RP1L1: variants seen among roughly 807,000 people sequenced by gnomAD.
The protein encoded by RP1L1 is RP1 like 1, also known as retinitis pigmentosa 1-like 1 protein.
RP1L1 carries 27 observed loss-of-function variants against 15.7 expected under a neutral mutation model. The observed-to-expected ratio is 1.72, with a 90% CI of 1.27 to 2.38. RP1L1 has a LOEUF of 2.38. Ranked by LOEUF, RP1L1 falls within the 30% of genes most tolerant of loss-of-function variation. The pLI is 0.00. For synonymous variants in RP1L1, 1,813 were observed against 1,276.7 expected, an observed-to-expected ratio of 1.42 and a Z score of -8.96; for missense variants, 4,798 against 3,075.9, an observed-to-expected ratio of 1.56 and a Z score of -13.24.
Position 10,616,591 on chromosome 8 carries a change from A to T in RP1L1, c.610-4T>A. The T allele has an allele frequency of 6.2e-7, 1 of 1,610,172 alleles. No homozygotes were observed. Among genetic ancestry groups the T allele is most frequent in the Non-Finnish European group, 8.5e-7 (1 of 1,179,258 alleles). ...GCAGGGCCTGCAGCGAGTCCACCTG[A>T]GGGAGGAGCGGGCGGGGTCAGGAGG... is the stretch of plus-strand genomic sequence containing the variant. On this transcript the variant is annotated splice_region_variant and splice_polypyrimidine_tract_variant and intron_variant, in intron 2 of 3. Transcript: ENST00000382483.
chr8:10,643,573 A>C (rs1798436275), intron 1 of RP1L1, among the ~76,000 whole-genome samples: 1 of 152,086 alleles, frequency 6.6e-6, no homozygotes, highest in South Asian at 2.1e-4. Flanking sequence ...ATTTAAGGTA[A>C]TGTACTGGAA....
Position 10,606,826 on chromosome 8 carries a change from G to T in RP1L1, c.*69C>A. 4.4e-6 allele frequency: 7 copies of T among 1,607,326 alleles called. No homozygotes were observed. Among genetic ancestry groups the T allele is most frequent in the Non-Finnish European group, 5.9e-6 (7 of 1,179,666 alleles). ...TCTCCAGTGGACTGAACGTTGCTCA[G>T]TTTTGTAGAAAAAATATGAATAAAA... On this transcript the variant is annotated 3_prime_UTR_variant, in exon 4 of 4. Coordinates refer to ENST00000382483, the MANE Select transcript of RP1L1 (RefSeq NM_178857.6).
At chr8:10,638,975 G>C (rs73201178) in intron 1 of RP1L1, among the ~76,000 whole-genome samples, 1 of 151,900 alleles carries the variant, frequency 6.6e-6, no homozygotes, top group Non-Finnish European at 1.5e-5. Context: ...TGAAACCCAG[G>C]CTCTACTAAA....
At chr8:10,621,319 A>C (rs1232029994) in intron 2 of RP1L1, 1 of 163,252 alleles carries the variant, frequency 6.1e-6, no homozygotes, top group Non-Finnish European at 1.3e-5. Flanking sequence ...AGTTTTTGTA[A>C]TGATGTTATC....
chr8:10,624,972 G>A (rs1423581663), intron 1 of RP1L1, among the ~76,000 whole-genome samples: 1 of 152,202 alleles, frequency 6.6e-6, no homozygotes, highest in Non-Finnish European at 1.5e-5. Context: ...AGCCTGGGTG[G>A]GGTTGGGAGC....
At position 10,616,515 on chromosome 8, in the gene RP1L1, G is replaced by C. The variant is rs1354191791; in HGVS notation, c.682C>G (p.Pro228Ala). The change falls in exon 3 of 4, where the codon CCA (proline) becomes GCA (alanine). Residue 228 changes from proline (P) to alanine (A), a missense_variant. Physicochemically the swap from Pro to Ala is conservative, Grantham distance 27. Transcript: ENST00000382483. ...CTTCTCCTGGCATTTTTCATGGCTG[G>C]GGTTCTGAAGGCCTCATGCCCGGCA... Reference protein sequence around the residue: ...VCAGHEAFRTPAMKNARRSEA... With the variant: ...VCAGHEAFRTAAMKNARRSEA... 5 of 1,614,198 alleles carry C rather than the reference G, an allele frequency of 3.1e-6. No individual in the cohort carries two copies. Among genetic ancestry groups the C allele is most frequent in the Admixed American group, 1.7e-5 (1 of 60,022 alleles).
At chr8:10,617,312 G>T (rs139314255) in intron 2 of RP1L1, among the ~76,000 whole-genome samples, 35 of 150,394 alleles carry the variant, frequency 2.3e-4, no homozygotes, top group African/African-American at 8.6e-4. Flanking sequence ...AATGAGCAAT[G>T]CTGGGGAATG....
At chr8:10,652,196 C>A (rs964557759) in intron 1 of RP1L1, among the ~76,000 whole-genome samples, 1 of 152,154 alleles carries the variant, frequency 6.6e-6, no homozygotes, top group Non-Finnish European at 1.5e-5. Context: ...ATCATGAAGC[C>A]ACGCATGACT....
intron 1 of RP1L1, among the ~76,000 whole-genome samples, chr8:10,623,451 A>C (rs1409623830): frequency 6.6e-6 from 1 of 152,100 alleles, no homozygotes; most frequent in Non-Finnish European, 1.5e-5. Context: ...CAGGAGTTTG[A>C]GGCTGTCCCC....
chr8:10,652,958 G>A (rs1016222091), intron 1 of RP1L1, among the ~76,000 whole-genome samples: 3 of 152,226 alleles, frequency 2.0e-5, no homozygotes, highest in African/African-American at 7.2e-5. Context: ...TGACATCCCA[G>A]TGGGTGCCCA....
In RP1L1 at chr8:10,622,633, C is replaced by T. The variant is rs760999157; in HGVS notation, c.569G>A (p.Arg190His). 3.6e-5 allele frequency: 58 copies of T among 1,614,074 alleles called. No homozygotes were observed. Among genetic ancestry groups the T allele is most frequent in the Admixed American group, 1.2e-4 (7 of 59,988 alleles). ...AFLGKASDLL[R>H]FPVKQLYTTS... is the part of the protein sequence containing the mutation. ...CGTGTACAACTGCTTCACAGGAAAG[C>T]GCAGGAGATCTGAGGCTTTGCCGAG... Residue 190 changes from arginine to histidine, a missense_variant, in exon 2 of 4, where the codon CGC becomes CAC. Transcript: ENST00000382483.
rs757729673 is a variant in RP1L1, at chr8:10,613,304, C to G, written c.794G>C (p.Arg265Pro). The G allele has an allele frequency of 1.2e-6, 2 of 1,602,650 alleles. No individual in the cohort carries two copies. Among genetic ancestry groups the G allele is most frequent in the Non-Finnish European group, 1.7e-6 (2 of 1,179,958 alleles). ...PKTKPSVIHS[R>P]SPPGSTPRLP... ...CCGTGGCGTGCTGCCTGGCGGAGAC[C>G]GCGAATGGATCACACTCGGCTTGGT... Residue 265 changes from arginine (R) to proline (P), a missense_variant, in exon 4 of 4, where the codon CGG becomes CCG. By Grantham distance (103) the Arg-to-Pro change is moderately radical. Coordinates refer to ENST00000382483, the MANE Select transcript of RP1L1 (RefSeq NM_178857.6).
chr8:10,613,287 T>TG lies in RP1L1; in HGVS notation c.810dup (p.Thr271HisfsTer11). On this transcript the variant is annotated frameshift_variant, in exon 4 of 4. Coordinates refer to ENST00000382483, the MANE Select transcript of RP1L1 (RefSeq NM_178857.6). LOFTEE classifies it low-confidence loss of function (END_TRUNC). ...CCAGGCCTTTCTGGCAGCCGTGGCGTGCTGCCTGGCGGAGACCGCGAATGG... is the reference window on the plus strand; with the variant it reads ...CCAGGCCTTTCTGGCAGCCGTGGCGTGGCTGCCTGGCGGAGACCGCGAATGG... 1 of 1,606,286 alleles carries TG rather than the reference T, an allele frequency of 6.2e-7. No individual in the cohort carries two copies. Among genetic ancestry groups the TG allele is most frequent in the Non-Finnish European group, 8.5e-7 (1 of 1,179,984 alleles).
intron 2 of RP1L1, among the ~76,000 whole-genome samples, chr8:10,622,153 C>T (rs1349558393): frequency 6.6e-6 from 1 of 151,906 alleles, no homozygotes; most frequent in African/African-American, 2.4e-5. Context: ...GAAACCCTGT[C>T]TCTACTAAAA....
At position 10,609,145 on chromosome 8, in the gene RP1L1, C is replaced by A; in HGVS notation, c.4953G>T (p.Ala1651=). The A allele has an allele frequency of 1.9e-6, 3 of 1,613,482 alleles. 1 individual carries two copies. The South Asian group carries it at 3.3e-5, about 18-fold the overall frequency. ...CGCAGGGACAGAACTCCTCCCCCTC[C>A]GCCTCCTCGCCCAGCTGGCTCCCCA... is the stretch of plus-strand genomic sequence containing the variant. ...TALGSQLGEE[A]EGEEFCPCEA... is the part of the protein sequence containing the mutation. The change falls in exon 4 of 4, where the codon GCG becomes GCT. Residue 1651 remains alanine (A), a synonymous_variant. Transcript: ENST00000382483.
Position 10,607,899 on chromosome 8 carries a change from C to T in RP1L1, c.6199G>A (p.Ala2067Thr). Residue 2067 changes from alanine to threonine, a missense_variant, in exon 4 of 4, where the codon GCT (alanine) becomes ACT (threonine). Transcript: ENST00000382483. ...APEAEEEAQEAEGEVQEAEGE... is the reference protein window; with the variant it reads ...APEAEEEAQETEGEVQEAEGE... ...TCTGCCTCCTGGACCTCCCCTTCAGCCTCCTGTGCCTCCTCTTCTGCCTCC... is the reference window on the plus strand; with the variant it reads ...TCTGCCTCCTGGACCTCCCCTTCAGTCTCCTGTGCCTCCTCTTCTGCCTCC... 6.3e-7 allele frequency: 1 copy of T among 1,598,486 alleles called. No individual in the cohort carries two copies.
At chr8:10,635,184 C>T (rs916791606) in intron 1 of RP1L1, among the ~76,000 whole-genome samples, 3 of 152,220 alleles carry the variant, frequency 2.0e-5, no homozygotes, top group African/African-American at 4.8e-5. Flanking sequence ...GAGGAAGTCA[C>T]TTTACCTCCC....
At chr8:10,638,244 A>G (rs1305762607) in intron 1 of RP1L1, among the ~76,000 whole-genome samples, 1 of 152,256 alleles carries the variant, frequency 6.6e-6, no homozygotes, top group East Asian at 1.9e-4. Context: ...ACGTATTTCC[A>G]TGTATCCACA....
chr8:10,610,961 G>A lies in RP1L1; in HGVS notation c.3137C>T (p.Ala1046Val), dbSNP rs762222055. The A allele has an allele frequency of 1.2e-6, 2 of 1,612,126 alleles. No individual in the cohort carries two copies. Residue 1046 changes from alanine to valine, a missense_variant, in exon 4 of 4, where the codon GCA (alanine) becomes GTA (valine). Physicochemically the swap from Ala to Val is moderately conservative, Grantham distance 64. Transcript: ENST00000382483. ...GGCCTCGGAAACTCCCTCTGGAGCTGCCCCTTGGGGGACACCCTCTCCTGA... is the reference window on the plus strand; with the variant it reads ...GGCCTCGGAAACTCCCTCTGGAGCTACCCCTTGGGGGACACCCTCTCCTGA... ...PQSGEGVPQGAAPEGVSEAPA... is the reference protein window; with the variant it reads ...PQSGEGVPQGVAPEGVSEAPA...
Sources: allele counts gnomAD v4.1 joint callset (sites outside exome capture counted in the v4.1 genomes callset), GRCh38; gene constraint gnomAD v4.1.1; transcripts MANE v1.5; gene names NCBI Gene and HGNC (gene_info 2026-07-23, HGNC 2026-07-21).